Variants in ANKRD31 observed in about 807,000 individuals in gnomAD.
The protein encoded by ANKRD31 is ankyrin repeat domain-containing protein 31.
In ANKRD31, 147 loss-of-function variants were observed where a neutral mutation model predicts 186.0. The observed-to-expected ratio is 0.79, with a 90% confidence interval of 0.69 to 0.91. The LOEUF (loss-of-function observed/expected upper bound fraction) is 0.91, where lower values mean the gene tolerates loss of function less well. Among genes scored for constraint, ANKRD31 ranks in the 40% least tolerant of loss-of-function variants. The pLI, the probability that ANKRD31 is intolerant of heterozygous loss-of-function variation, is 0.00. For missense variants in ANKRD31, 1,986 were observed against 2,148.8 expected (o/e 0.92, Z 1.50); for synonymous variants, 673 against 736.4 (o/e 0.91, Z 1.39).
chr5:75,165,816 T>G (rs1373018167), intron 11 of ANKRD31, among the ~76,000 whole-genome samples: 1 of 152,200 alleles, frequency 6.6e-6, no homozygotes, highest in African/African-American at 2.4e-5. Context: ...AAAGGACTGT[T>G]GTAGATTAAA....
At chr5:75,115,410 G>T (rs191906298) in intron 19 of ANKRD31, among the ~76,000 whole-genome samples, 1 of 152,150 alleles carries the variant, frequency 6.6e-6, no homozygotes. Context: ...AGACAAATGG[G>T]ATCTAATTAA....
chr5:75,179,103 C>T (rs1162085619), intron 10 of ANKRD31, among the ~76,000 whole-genome samples: 1 of 151,822 alleles, frequency 6.6e-6, no homozygotes, highest in Admixed American at 6.6e-5. Context: ...ATACTATAAA[C>T]ACCTCTATGC....
At chr5:75,096,145 G>A (rs1311395061) in intron 22 of ANKRD31, among the ~76,000 whole-genome samples, 1 of 152,144 alleles carries the variant, frequency 6.6e-6, no homozygotes, top group East Asian at 1.9e-4. Context: ...CAGTGTAAAA[G>A]CATTCCTATT....
intron 17 of ANKRD31, among the ~76,000 whole-genome samples, chr5:75,135,342 A>C (rs1301384336): frequency 2.6e-5 from 4 of 152,236 alleles, no homozygotes; most frequent in African/African-American, 9.6e-5. Context: ...ATCAATGTGC[A>C]AAAATCACAG....
At chr5:75,073,356 GAC>G (rs1201732270) in intron 25 of ANKRD31, among the ~76,000 whole-genome samples, 2 of 151,228 alleles carry the variant, frequency 1.3e-5, no homozygotes, top group Non-Finnish European at 2.9e-5. Context: ...GGGAGGACCA[GAC>G]ACACTTCAAA....
At chr5:75,173,236 C>A (rs531401585) in intron 10 of ANKRD31, among the ~76,000 whole-genome samples, 2 of 152,144 alleles carry the variant, frequency 1.3e-5, no homozygotes, top group South Asian at 4.1e-4. Flanking sequence ...TGGGACGTAT[C>A]TCAAAATAGG....
intron 25 of ANKRD31, among the ~76,000 whole-genome samples, chr5:75,070,101 T>C (rs1316782940): frequency 1.3e-5 from 2 of 152,306 alleles, no homozygotes; most frequent in East Asian, 3.9e-4. Context: ...TTTTAAATCA[T>C]CACTTATAAT....
chr5:75,072,785 G>A (rs1744344415), intron 25 of ANKRD31, among the ~76,000 whole-genome samples: 1 of 152,160 alleles, frequency 6.6e-6, no homozygotes, highest in South Asian at 2.1e-4. Flanking sequence ...CACAAAATAT[G>A]CCAATTTTGG....
At chr5:75,220,998 AAG>A (rs1387147310) in intron 3 of ANKRD31, among the ~76,000 whole-genome samples, 1 of 152,204 alleles carries the variant, frequency 6.6e-6, no homozygotes, top group African/African-American at 2.4e-5. Flanking sequence ...AGCCATAAAA[AAG>A]AATGAGATCA....
At chr5:75,174,485 T>A (rs979572674) in intron 10 of ANKRD31, among the ~76,000 whole-genome samples, 2 of 152,130 alleles carry the variant, frequency 1.3e-5, no homozygotes, top group Non-Finnish European at 2.9e-5. Context: ...ACTCTACCCA[T>A]CTGACAAAGG....
chr5:75,169,251 G>T, intron 10 of ANKRD31, 130 bp from the exon 11 acceptor site: 1 of 1,078,372 alleles, frequency 9.3e-7, no homozygotes. Context: ...AGTCAAGATA[G>T]TATCACCTGA....
At chr5:75,236,536 C>A in intron 1 of ANKRD31, 47 bp downstream of exon 1, 4 of 1,501,612 alleles carry the variant, frequency 2.7e-6, no homozygotes, top group South Asian at 1.2e-5. Flanking sequence ...GGCACCTGGG[C>A]CGCCCTGGCG....
intron 17 of ANKRD31, among the ~76,000 whole-genome samples, chr5:75,122,091 A>G (rs1210924877): frequency 6.6e-6 from 1 of 152,112 alleles, no homozygotes; most frequent in African/African-American, 2.4e-5. Context: ...AGAAGAAAGA[A>G]TATCTAAATA....
chr5:75,224,137 A>ATATATATATATATATATATATATG (rs1190371193), intron 2 of ANKRD31, among the ~76,000 whole-genome samples: 1 of 61,204 alleles, frequency 1.6e-5, no homozygotes, highest in Non-Finnish European at 2.7e-5. Flanking sequence ...AATTATATAT[A>ATATATATATATATATATATATATG]TATATATATA....
At chr5:75,187,089 A>G (rs1284661115) in intron 10 of ANKRD31, among the ~76,000 whole-genome samples, 1 of 133,128 alleles carries the variant, frequency 7.5e-6, no homozygotes, top group Non-Finnish European at 1.6e-5. Flanking sequence ...ATTTTAAACA[A>G]ACATTGCCGG....
At chr5:75,107,430 A>C in intron 21 of ANKRD31, 91 bp downstream of exon 21, 1 of 861,076 alleles carries the variant, frequency 1.2e-6, no homozygotes, top group South Asian at 1.8e-5. Context: ...CAGTGTTTGT[A>C]TTCTTAAGAA....
At position 75,094,957 on chromosome 5, in the gene ANKRD31, C is replaced by T. The variant is rs527709789; in HGVS notation, c.5332-3556G>A. Among the ~76,000 whole-genome samples the T allele has an allele frequency of 2.0e-5, 3 of 152,078 alleles. No individual in the cohort carries two copies. In the South Asian group the frequency reaches 6.2e-4, roughly 32 times the overall value. On this transcript the variant is annotated intron_variant, in intron 22 of 25. Coordinates refer to ENST00000506364, the MANE Select transcript of ANKRD31 (RefSeq NM_001372053.1). ...AGATGATGGGGGACATTTTATAATG[C>T]TAAGAGGCTTGATGCATCAGGAAGA...
Position 75,222,242 on chromosome 5 carries a change from T to C in ANKRD31, c.288+7A>G. 1 of 1,523,490 alleles carries C rather than the reference T, an allele frequency of 6.6e-7. No homozygotes were observed. Among genetic ancestry groups the C allele is most frequent in the East Asian group, 2.5e-5 (1 of 40,770 alleles). 94.4% of individuals were successfully genotyped at this position (1,523,490 alleles called of 1,614,324 possible). ...ATGAGTATGTATTCAATCAACATGC[T>C]ACACACCTGTAATATTGTATCCTCG... On this transcript the variant is annotated splice_region_variant and intron_variant, in intron 3 of 25. Transcript: ENST00000506364.
At chr5:75,182,014 G>T (rs1209666499) in intron 10 of ANKRD31, among the ~76,000 whole-genome samples, 1 of 152,036 alleles carries the variant, frequency 6.6e-6, no homozygotes, top group African/African-American at 2.4e-5. Context: ...ATGGATTGAT[G>T]GATGGACAGA....
Sources: allele counts gnomAD v4.1 joint callset (sites outside exome capture counted in the v4.1 genomes callset), GRCh38; gene constraint gnomAD v4.1.1; transcripts MANE v1.5; gene names NCBI Gene and HGNC (gene_info 2026-07-23, HGNC 2026-07-21).